Variants in MARCHF1 observed in about 807,000 individuals in gnomAD.
MARCHF1 encodes the protein E3 ubiquitin-protein ligase MARCHF1.
In MARCHF1, 40 loss-of-function variants were observed where a neutral mutation model predicts 54.2. The ratio of observed to expected loss-of-function variants is 0.74; its 90% CI spans 0.57 to 0.96. The LOEUF is 0.96. MARCHF1 is among the 40% of genes least tolerant of loss of function. The pLI is 0.00. For synonymous variants in MARCHF1, 236 were observed against 236.3 expected (o/e 1.00, Z 0.01); for missense variants, 586 against 656.5 (o/e 0.89, Z 1.17).
chr4:163,900,992 A>C (rs1273420047), intron 3 of MARCHF1, among the ~76,000 whole-genome samples: 1 of 152,194 alleles, frequency 6.6e-6, no homozygotes, highest in Non-Finnish European at 1.5e-5. Context: ...GTCTACCATA[A>C]AACAAACTAG....
chr4:163,588,902 A>T (rs1025881446), intron 7 of MARCHF1, among the ~76,000 whole-genome samples: 1 of 152,164 alleles, frequency 6.6e-6, no homozygotes. Flanking sequence ...CAATGTATGA[A>T]TATTATTGAC....
At chr4:164,028,938 A>G (rs149818398) in intron 2 of MARCHF1, among the ~76,000 whole-genome samples, 349 of 152,208 alleles carry the variant, frequency 2.3e-3, no homozygotes, top group Admixed American at 5.6e-3. Context: ...ATTGAATTTT[A>G]CCTTCTTTGT....
At chr4:164,034,240 C>T (rs1753947173) in intron 2 of MARCHF1, among the ~76,000 whole-genome samples, 1 of 152,056 alleles carries the variant, frequency 6.6e-6, no homozygotes. Context: ...AATAGAAAAC[C>T]AAACACCACA....
chr4:164,079,481 T>C (rs1291893349), intron 2 of MARCHF1, among the ~76,000 whole-genome samples: 1 of 152,146 alleles, frequency 6.6e-6, no homozygotes, highest in Non-Finnish European at 1.5e-5. Flanking sequence ...TTTTCTTTAT[T>C]ATTGTAATGT....
At chr4:164,366,001 T>G (rs1168312384) in intron 1 of MARCHF1, among the ~76,000 whole-genome samples, 1 of 152,038 alleles carries the variant, frequency 6.6e-6, no homozygotes, top group Non-Finnish European at 1.5e-5. Context: ...ATTGCATACA[T>G]TTGTTTTGAA....
chr4:163,907,454 C>A (rs955609909), intron 3 of MARCHF1, among the ~76,000 whole-genome samples: 1 of 152,012 alleles, frequency 6.6e-6, no homozygotes, highest in South Asian at 2.1e-4. Flanking sequence ...GAAGATGGCA[C>A]CTATCTTATT....
intron 1 of MARCHF1, among the ~76,000 whole-genome samples, chr4:164,160,801 A>T (rs927500716): frequency 2.6e-5 from 4 of 152,176 alleles, no homozygotes; most frequent in Non-Finnish European, 4.4e-5. Context: ...TTTAAAGATT[A>T]AGCCAAGTAA....
chr4:164,152,943 A>G (rs1295567071), intron 1 of MARCHF1, among the ~76,000 whole-genome samples: 1 of 152,110 alleles, frequency 6.6e-6, no homozygotes, highest in Non-Finnish European at 1.5e-5. Flanking sequence ...GGATTTCTTA[A>G]TAGTATTTTA....
chr4:163,767,893 C>T (rs1411006748), intron 4 of MARCHF1, among the ~76,000 whole-genome samples: 2 of 152,052 alleles, frequency 1.3e-5, no homozygotes, highest in Non-Finnish European at 2.9e-5. Context: ...CAAATGTTAC[C>T]ACCAATGACT....
intron 3 of MARCHF1, among the ~76,000 whole-genome samples, chr4:163,916,101 T>C (rs939805781): frequency 1.3e-5 from 2 of 152,160 alleles, no homozygotes; most frequent in African/African-American, 2.4e-5. Context: ...TGCATGGAAC[T>C]TGGAGCCTGA....
Position 163,528,676 on chromosome 4 carries a change from T to A in MARCHF1, c.*72A>T. The A allele has an allele frequency of 7.0e-7, 1 of 1,434,602 alleles. No individual in the cohort carries two copies. The highest frequency in any genetic ancestry group is 9.5e-7 in the Non-Finnish European group (1 of 1,056,100). 88.9% of individuals were successfully genotyped at this position (1,434,602 alleles called of 1,614,324 possible). ...GCTGAAGGGAGTAAATAATTCAAGA[T>A]CACTTCTGTCATTTGTAGTGGCTGA... is the stretch of plus-strand genomic sequence containing the variant. On this transcript the variant is annotated 3_prime_UTR_variant, in exon 10 of 10. Transcript: ENST00000514618.
intron 2 of MARCHF1, among the ~76,000 whole-genome samples, chr4:164,028,111 G>A (rs1326440848): frequency 6.6e-6 from 1 of 152,156 alleles, no homozygotes; most frequent in Non-Finnish European, 1.5e-5. Flanking sequence ...GAATGCTTAT[G>A]CAGTGTTGGT....
At chr4:164,117,196 T>C (rs1755956108) in intron 1 of MARCHF1, among the ~76,000 whole-genome samples, 2 of 151,952 alleles carry the variant, frequency 1.3e-5, no homozygotes, top group South Asian at 4.1e-4. Flanking sequence ...TGGCAGAGGT[T>C]GCGGTGAGCC....
intron 2 of MARCHF1, among the ~76,000 whole-genome samples, chr4:163,990,532 A>C (rs987949224): frequency 6.6e-6 from 1 of 152,206 alleles, no homozygotes; most frequent in Admixed American, 6.5e-5. Flanking sequence ...TCATCATCAT[A>C]CTTAAGCTTA....
At chr4:163,957,843 G>A (rs1321614912) in intron 3 of MARCHF1, among the ~76,000 whole-genome samples, 3 of 151,994 alleles carry the variant, frequency 2.0e-5, no homozygotes, top group Admixed American at 2.0e-4. Flanking sequence ...GATATGATCT[G>A]CACTTGTCTC....
chr4:163,552,905 C>T (rs11938015), intron 8 of MARCHF1, among the ~76,000 whole-genome samples: 13,410 of 152,032 alleles, frequency 0.088, 670 homozygotes, highest in African/African-American at 0.12. Context: ...TGGTGGCGGG[C>T]GCCTGTAGTC....
chr4:164,216,629 A>G (rs1461663877), intron 1 of MARCHF1, among the ~76,000 whole-genome samples: 1 of 152,222 alleles, frequency 6.6e-6, no homozygotes, highest in African/African-American at 2.4e-5. Context: ...TTAATTACTG[A>G]TGAAGAAAAA....
Position 164,054,039 on chromosome 4 carries a change from A to G in MARCHF1, c.-248+57549T>C, listed in dbSNP as rs201461235. On this transcript the variant is annotated intron_variant, in intron 2 of 9. Coordinates refer to ENST00000514618, the MANE Select transcript of MARCHF1 (RefSeq NM_001394959.1). ...CAACCTACTCATCTGACAAAGGGCT[A>G]ATATCTAGAATCTACAATGAACTCA... Among the ~76,000 whole-genome samples the G allele has an allele frequency of 1.1e-3, 173 of 152,186 alleles. 1 individual carries two copies. In the East Asian group the frequency reaches 0.03, roughly 26 times the overall value.
At chr4:163,717,210 T>A (rs1297400681) in intron 4 of MARCHF1, among the ~76,000 whole-genome samples, 3 of 142,956 alleles carry the variant, frequency 2.1e-5, no homozygotes, top group Non-Finnish European at 4.5e-5. Context: ...TGTGTTCTCA[T>A]TGTTCAATTC....
Sources: gnomAD v4.1 joint callset for allele counts (sites outside exome capture counted in the v4.1 genomes callset) on GRCh38, gnomAD v4.1.1 for gene constraint, MANE v1.5 for transcripts, NCBI Gene and HGNC (gene_info 2026-07-23, HGNC 2026-07-21) for gene names.